KRAS: variants seen among roughly 807,000 people sequenced by gnomAD.
KRAS encodes KRas proto-oncogene, GTPase.
In KRAS, 1 loss-of-function variant was observed where a neutral mutation model predicts 21.0. That is an observed-to-expected ratio of 0.05 (90% CI 0.02 to 0.23). The LOEUF (loss-of-function observed/expected upper bound fraction) is 0.23, where lower values mean the gene tolerates loss of function less well. Ranked by LOEUF, KRAS falls within the 10% of genes least tolerant of loss-of-function variation. The probability of loss-of-function intolerance (pLI) is 1.00; values close to 1 mark genes in which losing one functional copy is unlikely to be tolerated. For synonymous variants in KRAS, 67 were observed against 72.5 expected (o/e 0.92, Z 0.39); for missense variants, 107 against 221.8 (o/e 0.48, Z 3.29).
intron 1 of KRAS, among the ~76,000 whole-genome samples, chr12:25,248,865 G>A (rs1240266012): frequency 6.6e-6 from 1 of 152,118 alleles, no homozygotes; most frequent in African/African-American, 2.4e-5. Flanking sequence ...TACTGTGGAT[G>A]GCTACAGTCT....
chr12:25,240,589 T>C (rs10842515), intron 2 of KRAS, among the ~76,000 whole-genome samples: 28,921 of 152,142 alleles, frequency 0.19, 2,864 homozygotes, highest in Middle Eastern at 0.24. Flanking sequence ...TCAGTGTATC[T>C]CTAGCCCACA....
At chr12:25,240,921 A>G (rs1167563966) in intron 2 of KRAS, among the ~76,000 whole-genome samples, 1 of 152,132 alleles carries the variant, frequency 6.6e-6, no homozygotes. Context: ...AGTCCTATAA[A>G]ACTCTACAAA....
At chr12:25,246,726 C>T (rs1027094954) in intron 1 of KRAS, among the ~76,000 whole-genome samples, 10 of 151,978 alleles carry the variant, frequency 6.6e-5, no homozygotes, top group African/African-American at 1.2e-4. Context: ...ACCATCCTGG[C>T]TAACCCGGTG....
rs142338978 is a variant in KRAS at position 25,224,885 on chromosome 12, T to A, written c.450+729A>T. Among the ~76,000 whole-genome samples the A allele has an allele frequency of 5.9e-3, 904 of 152,294 alleles. 7 individuals are homozygous for A. The highest frequency in any genetic ancestry group is 6.7e-3 in the Non-Finnish European group (456 of 67,984). Reference sequence around the variant, plus strand: ...AGTATCCCTGTCATTAAGAGACATATGACTACATATAACAATTAATTCCTT... The same window carrying A: ...AGTATCCCTGTCATTAAGAGACATAAGACTACATATAACAATTAATTCCTT... On this transcript the variant is annotated intron_variant, in intron 4 of 4. Coordinates refer to ENST00000311936, the MANE Select transcript of KRAS (RefSeq NM_004985.5).
At chr12:25,235,256 A>C (rs2135794028) in intron 2 of KRAS, 2 of 553,140 alleles carry the variant, frequency 3.6e-6, no homozygotes, top group East Asian at 5.9e-5. Flanking sequence ...ACTTTTACTC[A>C]ATTAATGCTC....
At chr12:25,214,216 T>G (rs193170938) in intron 4 of KRAS, among the ~76,000 whole-genome samples, 1 of 151,990 alleles carries the variant, frequency 6.6e-6, no homozygotes, top group Non-Finnish European at 1.5e-5. Flanking sequence ...GAGCCAAGAC[T>G]CAAGGGAAGG....
chr12:25,244,018 C>A (rs1156355506), intron 2 of KRAS, among the ~76,000 whole-genome samples: 2 of 152,084 alleles, frequency 1.3e-5, no homozygotes, highest in Admixed American at 6.5e-5. Context: ...TTTTATAGTA[C>A]CAAAAATATG....
At chr12:25,215,522 G>A (rs2141489046) in intron 4 of KRAS, 4 of 1,611,920 alleles carry the variant, frequency 2.5e-6, no homozygotes, top group Non-Finnish European at 3.4e-6. Context: ...TGTATTGTCG[G>A]ATCTCTCTCA....
intron 2 of KRAS, among the ~76,000 whole-genome samples, chr12:25,232,960 A>T (rs1951493674): frequency 6.6e-6 from 1 of 152,222 alleles, no homozygotes; most frequent in Non-Finnish European, 1.5e-5. Context: ...TATGCTAAGA[A>T]AATATGTGGT....
intron 2 of KRAS, 79 bp from the exon 3 acceptor site, chr12:25,227,491 C>CA: frequency 1.5e-6 from 2 of 1,291,150 alleles, no homozygotes; most frequent in African/African-American, 1.5e-5. Context: ...AACTCAACAA[C>CA]AAAAAATTCA....
intron 4 of KRAS, among the ~76,000 whole-genome samples, chr12:25,216,097 A>G (rs1212111538): frequency 1.3e-5 from 2 of 152,204 alleles, no homozygotes; most frequent in African/African-American, 4.8e-5. Context: ...TTTTATCTTA[A>G]ATTTTAACAC....
chr12:25,217,598 C>A (rs957140501), intron 4 of KRAS, among the ~76,000 whole-genome samples: 1 of 152,144 alleles, frequency 6.6e-6, no homozygotes, highest in Non-Finnish European at 1.5e-5. Context: ...CAACTACATT[C>A]GTTGGCACTT....
chr12:25,221,381 C>T (rs1459705489), intron 4 of KRAS, among the ~76,000 whole-genome samples: 3 of 152,014 alleles, frequency 2.0e-5, no homozygotes, highest in African/African-American at 4.8e-5. Flanking sequence ...AACAGGCACC[C>T]GCCACCACGC....
chr12:25,229,856 C>T (rs1032475568), intron 2 of KRAS, among the ~76,000 whole-genome samples: 1 of 151,804 alleles, frequency 6.6e-6, no homozygotes, highest in Non-Finnish European at 1.5e-5. Context: ...ACAACCTCTG[C>T]CTCCTGGGCT....
intron 1 of KRAS, among the ~76,000 whole-genome samples, chr12:25,249,568 G>A (rs1325624685): frequency 1.8e-5 from 2 of 111,434 alleles, no homozygotes; most frequent in Non-Finnish European, 3.4e-5. Context: ...CTCCAGCCTG[G>A]GCAACAGAGC....
At chr12:25,212,914 T>C (rs1461589690) in intron 4 of KRAS, among the ~76,000 whole-genome samples, 1 of 152,174 alleles carries the variant, frequency 6.6e-6, no homozygotes, top group South Asian at 2.1e-4. Context: ...TTACTTTTTT[T>C]AAGAGATGGA....
intron 2 of KRAS, among the ~76,000 whole-genome samples, chr12:25,243,867 TATACAGAGACTA>T (rs1951642361): frequency 1.3e-5 from 2 of 152,220 alleles, no homozygotes; most frequent in African/African-American, 4.8e-5. Flanking sequence ...CAAAAGTAAA[TATACAGAGACTA>T]TTGCATAGGC....
intron 4 of KRAS, among the ~76,000 whole-genome samples, chr12:25,214,577 T>C (rs1951233556): frequency 1.3e-5 from 2 of 151,860 alleles, no homozygotes; most frequent in South Asian, 2.1e-4. Flanking sequence ...TTAGTAGAAA[T>C]AGGGTTTCAC....
chr12:25,222,025 T>C (rs1042515980), intron 4 of KRAS, among the ~76,000 whole-genome samples: 1 of 151,804 alleles, frequency 6.6e-6, no homozygotes, highest in Admixed American at 6.6e-5. Flanking sequence ...GGCGGGTGCC[T>C]GTAGTCCCAG....
Sources: allele counts gnomAD v4.1 joint callset (sites outside exome capture counted in the v4.1 genomes callset), GRCh38; gene constraint gnomAD v4.1.1; transcripts MANE v1.5; gene names NCBI Gene and HGNC (gene_info 2026-07-23, HGNC 2026-07-21).